Variants in KIF3A observed in about 807,000 individuals in gnomAD.
KIF3A encodes kinesin-like protein KIF3A.
KIF3A carries 27 observed loss-of-function variants against 92.6 expected under a neutral mutation model. The observed-to-expected ratio is 0.29, with a 90% CI of 0.21 to 0.40. The LOEUF is 0.40. Ranked by LOEUF, KIF3A falls within the 10% of genes least tolerant of loss-of-function variation. The pLI is 1.00. For missense variants in KIF3A, 581 were observed against 872.6 expected (o/e 0.67, Z 4.21); for synonymous variants, 250 against 275.4 (o/e 0.91, Z 0.92).
chr5:132,689,190 T>G (rs1240300460), downstream of KIF3A, among the ~76,000 whole-genome samples: 3 of 152,196 alleles, frequency 2.0e-5, no homozygotes. Context: ...ATGAAACAGC[T>G]TAAGACAGAG....
At chr5:132,714,657 C>A (rs1352927436) in intron 8 of KIF3A, among the ~76,000 whole-genome samples, 2 of 152,098 alleles carry the variant, frequency 1.3e-5, no homozygotes, top group Non-Finnish European at 2.9e-5. Context: ...ATGGGCACAG[C>A]ATTTCTGTTT....
At chr5:132,736,833 A>C in intron 1 of KIF3A, 1 of 431,198 alleles carries the variant, frequency 2.3e-6, no homozygotes, top group Admixed American at 3.3e-5. Flanking sequence ...CCCATTATTA[A>C]GTTCACGATA....
At chr5:132,717,559 G>A (rs898874148) in intron 5 of KIF3A, among the ~76,000 whole-genome samples, 1 of 151,122 alleles carries the variant, frequency 6.6e-6, no homozygotes, top group Non-Finnish European at 1.5e-5. Flanking sequence ...ATCTAAAAAC[G>A]TGGAAAAATG....
rs1285934107 is a variant in KIF3A, at chr5:132,729,675, GGTAAAA to G, written c.281-3183_281-3178del. ...CCCAGGATCAAAGAATAAATCAGGA[GGTAAAA>G]TAGTATTTTGAACTACATGAAAATG... On this transcript the variant is annotated intron_variant, in intron 2 of 18. Transcript: ENST00000403231. Among the ~76,000 whole-genome samples, 52 of 151,970 alleles carry G rather than the reference GGTAAAA, an allele frequency of 3.4e-4. No individual in the cohort carries two copies. In the East Asian group the frequency reaches 8.5e-3, roughly 25 times the overall value.
intron 14 of KIF3A, 53 bp from the exon 15 acceptor site, chr5:132,702,265 A>G: frequency 6.4e-7 from 1 of 1,572,522 alleles, no homozygotes; most frequent in Non-Finnish European, 8.7e-7. Context: ...TAACTACAAA[A>G]CAGCACCATC....
chr5:132,706,348 G>T, intron 11 of KIF3A, 103 bp downstream of exon 11: 2 of 702,744 alleles, frequency 2.8e-6, no homozygotes, highest in Non-Finnish European at 4.3e-6. Flanking sequence ...TACTTACCTG[G>T]TAAAAAAACT....
At chr5:132,724,806 A>AAAAAAT (rs59476182) in intron 4 of KIF3A, among the ~76,000 whole-genome samples, 3 of 22,700 alleles carry the variant, frequency 1.3e-4, no homozygotes, top group African/African-American at 1.8e-4. Context: ...AAAAAAAAAA[A>AAAAAAT]ATATATATAT....
intron 16 of KIF3A, 105 bp downstream of exon 16, chr5:132,700,541 TG>T: frequency 1.3e-6 from 1 of 757,416 alleles, no homozygotes; most frequent in Non-Finnish European, 2.3e-6. Context: ...GATTCTCATC[TG>T]ATTCATCTAC....
chr5:132,700,259 T>C lies in KIF3A; in HGVS notation c.1964A>G (p.Asn655Ser). 1 of 1,598,804 alleles carries C rather than the reference T, an allele frequency of 6.3e-7. No individual in the cohort carries two copies. Among genetic ancestry groups the C allele is most frequent in the Non-Finnish European group, 8.5e-7 (1 of 1,171,030 alleles). The part of the protein sequence containing the change: ...QLKCVAYTGN[N>S]MRKQTPVPDK... ...AGGTACTGGGGTTTGCTTCCTCATGTTATTTCCTGTATAAGCAACACATTT... is the reference window on the plus strand; with the variant it reads ...AGGTACTGGGGTTTGCTTCCTCATGCTATTTCCTGTATAAGCAACACATTT... Residue 655 changes from asparagine to serine, a missense_variant, in exon 17 of 19, where the codon AAC becomes AGC. This residue lies in a region of KIF3A where 112 missense variants were observed against 144.3 expected (regional missense o/e 0.78). Coordinates refer to ENST00000403231, the MANE Select transcript of KIF3A (RefSeq NM_001300791.2).
At chr5:132,733,103 G>A (rs1754287665) in intron 2 of KIF3A, among the ~76,000 whole-genome samples, 1 of 152,116 alleles carries the variant, frequency 6.6e-6, no homozygotes, top group Non-Finnish European at 1.5e-5. Context: ...TGCTGGGTTG[G>A]GGGAAGGGAG....
intron 4 of KIF3A, chr5:132,721,361 T>G (rs1757500227): frequency 6.6e-6 from 1 of 152,146 alleles, no homozygotes; most frequent in Non-Finnish European, 1.5e-5. Flanking sequence ...TTAGGATGGA[T>G]TTACCTAAAA....
At chr5:132,724,477 G>A (rs1411331385) in intron 4 of KIF3A, among the ~76,000 whole-genome samples, 2 of 152,124 alleles carry the variant, frequency 1.3e-5, no homozygotes, top group African/African-American at 2.4e-5. Context: ...AAAATGATGA[G>A]TTCATGTCCT....
chr5:132,699,038 A>G, intron 18 of KIF3A, 133 bp downstream of exon 18: 1 of 928,750 alleles, frequency 1.1e-6, no homozygotes, highest in East Asian at 2.6e-5. Flanking sequence ...GTGCCCAGCC[A>G]GGAATTTGAT....
At chr5:132,713,176 A>T (rs1753489589) in intron 8 of KIF3A, among the ~76,000 whole-genome samples, 1 of 152,082 alleles carries the variant, frequency 6.6e-6, no homozygotes, top group Non-Finnish European at 1.5e-5. Context: ...ACAAACAACA[A>T]CAACAACAAC....
intron 4 of KIF3A, among the ~76,000 whole-genome samples, chr5:132,724,809 ATAT>A (rs1561708858): frequency 0.014 from 145 of 10,410 alleles, no homozygotes; most frequent in Non-Finnish European, 0.029. Flanking sequence ...AAAAAAAAAT[ATAT>A]ATATATATAT....
intron 17 of KIF3A, 98 bp downstream of exon 17, chr5:132,700,118 C>A: frequency 1.4e-6 from 1 of 707,884 alleles, no homozygotes; most frequent in Admixed American, 2.7e-5. Context: ...AGCTGATTAA[C>A]AGATATCAAG....
intron 6 of KIF3A, 145 bp downstream of exon 6, chr5:132,716,700 T>C (rs1258543782): frequency 4.3e-6 from 4 of 935,628 alleles, no homozygotes; most frequent in South Asian, 3.2e-5. Context: ...ACATTTGAAA[T>C]GTTCCATAAT....
chr5:132,700,249 C>G lies in KIF3A; in HGVS notation c.1974G>C (p.Lys658Asn), dbSNP rs372444722. 1 of 1,599,942 alleles carries G rather than the reference C, an allele frequency of 6.3e-7. No homozygotes were observed. The highest frequency in any genetic ancestry group is 8.5e-7 in the Non-Finnish European group (1 of 1,172,470). ...CCTTTTTATCAGGTACTGGGGTTTGCTTCCTCATGTTATTTCCTGTATAAG... is the reference window on the plus strand; with the variant it reads ...CCTTTTTATCAGGTACTGGGGTTTGGTTCCTCATGTTATTTCCTGTATAAG... ...CVAYTGNNMRKQTPVPDKKEK... is the reference protein window; with the variant it reads ...CVAYTGNNMRNQTPVPDKKEK... The change falls in exon 17 of 19, where the codon AAG (lysine) becomes AAC (asparagine). Residue 658 changes from lysine to asparagine, a missense_variant. By Grantham distance (94) the Lys-to-Asn change is moderately conservative (BLOSUM62 0). Transcript: ENST00000403231.
At chr5:132,705,869 C>CT (rs1294732714) in intron 11 of KIF3A, among the ~76,000 whole-genome samples, 3 of 151,726 alleles carry the variant, frequency 2.0e-5, no homozygotes, top group Non-Finnish European at 2.9e-5. Flanking sequence ...TTTCAAAGGA[C>CT]TTTTTTTTAA....
Sources: allele counts gnomAD v4.1 joint callset (sites outside exome capture counted in the v4.1 genomes callset), GRCh38; gene constraint gnomAD v4.1.1; regional missense constraint gnomAD v4.1.1; transcripts MANE v1.5; gene names NCBI Gene and HGNC (gene_info 2026-07-23, HGNC 2026-07-21).